Variants in EPHA5 observed in about 807,000 individuals in gnomAD.
EPHA5 encodes EPH receptor A5, also known as ephrin type-A receptor 5.
EPHA5 carries 60 observed loss-of-function variants against 105.0 expected under a neutral mutation model. The observed-to-expected ratio is 0.57, with a 90% confidence interval of 0.46 to 0.71. The LOEUF is 0.71. Among genes scored for constraint, EPHA5 ranks in the 30% least tolerant of loss-of-function variants. The probability of loss-of-function intolerance (pLI) is 0.00; values close to 1 mark genes in which losing one functional copy is unlikely to be tolerated. For missense variants in EPHA5, 1,218 were observed against 1,274.7 expected (o/e 0.96, Z 0.68); for synonymous variants, 513 against 449.1 (o/e 1.14, Z -1.80).
chr4:65,651,987 C>T (rs545596414), intron 1 of EPHA5, among the ~76,000 whole-genome samples: 1 of 152,242 alleles, frequency 6.6e-6, no homozygotes, highest in East Asian at 1.9e-4. Context: ...AAAAGAGCAA[C>T]ACCATATGGT....
chr4:65,357,809 G>A (rs901881091), intron 11 of EPHA5, among the ~76,000 whole-genome samples: 1 of 151,364 alleles, frequency 6.6e-6, no homozygotes, highest in South Asian at 2.1e-4. Context: ...AATTAAAGGT[G>A]TATAGCTCAA....
chr4:65,660,493 A>G (rs1035357300), intron 1 of EPHA5, among the ~76,000 whole-genome samples: 2 of 152,144 alleles, frequency 1.3e-5, no homozygotes, highest in African/African-American at 4.8e-5. Context: ...AATATTCTAT[A>G]TGTAGTAATA....
chr4:65,465,534 AAGGAAAGG>A (rs1728613051), intron 5 of EPHA5, among the ~76,000 whole-genome samples: 1 of 68,320 alleles, frequency 1.5e-5, no homozygotes, highest in Non-Finnish European at 2.8e-5. Flanking sequence ...AAAGAAAAGA[AAGGAAAGG>A]AAGGAAAGGA....
chr4:65,527,944 T>C (rs1195341899), intron 3 of EPHA5, among the ~76,000 whole-genome samples: 2 of 152,150 alleles, frequency 1.3e-5, no homozygotes, highest in Non-Finnish European at 2.9e-5. Flanking sequence ...ACATGCAGTA[T>C]TTGGTTTTCT....
chr4:65,507,729 C>CTT (rs1285448510), intron 3 of EPHA5, among the ~76,000 whole-genome samples: 1 of 151,876 alleles, frequency 6.6e-6, no homozygotes, highest in Non-Finnish European at 1.5e-5. Context: ...TATCCTGAGA[C>CTT]TGCTGAAGTT....
chr4:65,531,966 C>G (rs1255240970), intron 3 of EPHA5, among the ~76,000 whole-genome samples: 1 of 152,120 alleles, frequency 6.6e-6, no homozygotes, highest in Non-Finnish European at 1.5e-5. Context: ...GTATACGAGG[C>G]TTAATATGCT....
chr4:65,375,589 T>G (rs1449608087), intron 8 of EPHA5, among the ~76,000 whole-genome samples: 1 of 151,992 alleles, frequency 6.6e-6, no homozygotes, highest in Non-Finnish European at 1.5e-5. Context: ...TCATAAATGT[T>G]CACACTTCCA....
At chr4:65,538,728 C>G (rs893084658) in intron 3 of EPHA5, among the ~76,000 whole-genome samples, 2 of 151,826 alleles carry the variant, frequency 1.3e-5, no homozygotes, top group Admixed American at 1.3e-4. Flanking sequence ...CTCAGCATGA[C>G]TTTCCAGTAG....
chr4:65,514,818 A>G (rs1733948557), intron 3 of EPHA5, among the ~76,000 whole-genome samples: 1 of 152,134 alleles, frequency 6.6e-6, no homozygotes, highest in South Asian at 2.1e-4. Flanking sequence ...ACTCCTGGCT[A>G]TTCCTGCAAT....
At chr4:65,327,259 T>A (rs1720172368) in intron 16 of EPHA5, among the ~76,000 whole-genome samples, 1 of 151,296 alleles carries the variant, frequency 6.6e-6, no homozygotes, top group African/African-American at 2.4e-5. Context: ...TACTTACAGA[T>A]TTTAAGTTAA....
chr4:65,455,199 C>A (rs1446327437), intron 5 of EPHA5, among the ~76,000 whole-genome samples: 1 of 151,780 alleles, frequency 6.6e-6, no homozygotes, highest in Non-Finnish European at 1.5e-5. Context: ...TGCCACTGCA[C>A]TCCAGCCTGG....
chr4:65,471,607 T>G (rs1729290453), intron 5 of EPHA5, among the ~76,000 whole-genome samples: 1 of 152,094 alleles, frequency 6.6e-6, no homozygotes, highest in Admixed American at 6.5e-5. Flanking sequence ...CTCAGGAAAC[T>G]TAAAATCATA....
At chr4:65,359,735 C>T (rs1260181729) in intron 11 of EPHA5, among the ~76,000 whole-genome samples, 12 of 151,558 alleles carry the variant, frequency 7.9e-5, no homozygotes, top group Non-Finnish European at 7.4e-5. Context: ...TAATGATCTG[C>T]GAACAATGTC....
chr4:65,419,876 T>C (rs1723775029), intron 6 of EPHA5, among the ~76,000 whole-genome samples: 4 of 152,312 alleles, frequency 2.6e-5, no homozygotes, highest in Middle Eastern at 3.4e-3. Flanking sequence ...TGTTTAAAAG[T>C]GGCTATAAGA....
Position 65,351,401 on chromosome 4 carries a change from G to A in EPHA5, c.2433C>T (p.Ala811=), listed in dbSNP as rs1402275713. The A allele has an allele frequency of 9.3e-6, 15 of 1,613,430 alleles. No homozygotes were observed. The highest frequency in any genetic ancestry group is 1.3e-5 in the Non-Finnish European group (15 of 1,179,692). ...SRVLEDDPEA[A]YTTRGGKIPI... ...TGTTAGATCTTACCCTTGTGGTGTA[G>A]GCTGCCTCGGGATCATCTTCCAGTA... is the stretch of plus-strand genomic sequence containing the variant. Residue 811 remains alanine (A), a synonymous_variant, in exon 13 of 17, where the codon GCC becomes GCT. Coordinates refer to ENST00000613740, the MANE Select transcript of EPHA5 (RefSeq NM_001281766.3).
At chr4:65,464,755 A>C (rs1262083476) in intron 5 of EPHA5, among the ~76,000 whole-genome samples, 1 of 152,164 alleles carries the variant, frequency 6.6e-6, no homozygotes, top group African/African-American at 2.4e-5. Context: ...AGTATTTAGA[A>C]TAAATCAGTT....
intron 8 of EPHA5, among the ~76,000 whole-genome samples, chr4:65,389,576 G>A (rs1233484031): frequency 1.3e-5 from 2 of 152,056 alleles, no homozygotes; most frequent in Admixed American, 6.6e-5. Context: ...ATTCAACATG[G>A]ATAATAGATT....
intron 3 of EPHA5, among the ~76,000 whole-genome samples, chr4:65,575,479 TAACACTCTGCA>T (rs1740802756): frequency 6.6e-6 from 1 of 152,214 alleles, no homozygotes; most frequent in African/African-American, 2.4e-5. Context: ...TGTTTTCTGC[TAACACTCTGCA>T]AAGAGATGGA....
At chr4:65,518,435 C>T (rs866455070) in intron 3 of EPHA5, among the ~76,000 whole-genome samples, 1 of 150,052 alleles carries the variant, frequency 6.7e-6, no homozygotes, top group African/African-American at 2.4e-5. Context: ...ACACACACAC[C>T]CACACACACA....
Sources: gnomAD v4.1 joint callset for allele counts (sites outside exome capture counted in the v4.1 genomes callset) on GRCh38, gnomAD v4.1.1 for gene constraint, MANE v1.5 for transcripts, NCBI Gene and HGNC (gene_info 2026-07-23, HGNC 2026-07-21) for gene names.